The following MYH15 variants were observed in gnomAD, a reference collection of about 807,000 sequenced individuals.
MYH15 encodes the protein myosin heavy chain 15.
MYH15 carries 227 observed loss-of-function variants against 240.5 expected under a neutral mutation model. That is an observed-to-expected ratio of 0.94 (90% CI 0.85 to 1.05). The LOEUF (loss-of-function observed/expected upper bound fraction) is 1.05, where lower values mean the gene tolerates loss of function less well. MYH15 is among the 50% of genes least tolerant of loss of function. The probability of loss-of-function intolerance (pLI) is 0.00; values close to 1 mark genes in which losing one functional copy is unlikely to be tolerated. For synonymous variants in MYH15, 785 were observed against 796.7 expected (o/e 0.99, Z 0.25); for missense variants, 2,217 against 2,247.5 (o/e 0.99, Z 0.27).
In MYH15 at chr3:108,416,796, A is replaced by T. The variant is rs1484395073; in HGVS notation, c.3948+16T>A. The T allele has an allele frequency of 1.3e-6, 2 of 1,575,654 alleles. No individual in the cohort carries two copies. The highest frequency in any genetic ancestry group is 1.7e-6 in the Non-Finnish European group (2 of 1,147,752). ...CACACAGTCAAGAAACTAGTGAGAA[A>T]TAATAGATACATTACTTTGGTCTCC... is the stretch of plus-strand genomic sequence containing the variant. On this transcript the variant is annotated intron_variant, in intron 29 of 40. Coordinates refer to ENST00000693548, the MANE Select transcript of MYH15 (RefSeq NM_014981.3).
chr3:108,527,983 T>G (rs1049902684), intron 1 of MYH15, among the ~76,000 whole-genome samples: 2 of 152,172 alleles, frequency 1.3e-5, no homozygotes, highest in African/African-American at 4.8e-5. Flanking sequence ...TGCATAATTA[T>G]CCCTTGGTAG....
intron 1 of MYH15, among the ~76,000 whole-genome samples, chr3:108,508,705 A>G (rs1025659620): frequency 6.6e-5 from 10 of 152,152 alleles, no homozygotes; most frequent in Non-Finnish European, 1.2e-4. Context: ...TTTTTCTAGG[A>G]TATTGATTAA....
chr3:108,415,975 C>A (rs75910313), intron 29 of MYH15, among the ~76,000 whole-genome samples: 14 of 152,208 alleles, frequency 9.2e-5, no homozygotes, highest in Non-Finnish European at 2.1e-4. Flanking sequence ...GGTGTATGAC[C>A]TTGGACATGA....
Position 108,470,713 on chromosome 3 carries a change from A to G in MYH15, c.1368T>C (p.Gly456=), listed in dbSNP as rs1260505387. Residue 456 remains glycine, a synonymous_variant, in exon 13 of 41, where the codon GGT becomes GGC. Coordinates refer to ENST00000693548, the MANE Select transcript of MYH15 (RefSeq NM_014981.3). ...QFFIGILDIT[G]FEILEYNSLE... is the part of the protein sequence containing the mutation. ...ATACACTTACCTCAAGGATTTCAAA[A>G]CCAGTGATGTCAAGAATGCCAATGA... 1.9e-6 allele frequency: 3 copies of G among 1,613,612 alleles called. No individual in the cohort carries two copies. The Admixed American group carries it at 5.0e-5, about 27-fold the overall frequency.
chr3:108,398,945 T>C, intron 34 of MYH15, 105 bp from the exon 35 acceptor site: 2 of 1,442,272 alleles, frequency 1.4e-6, no homozygotes, highest in Non-Finnish European at 1.9e-6. Flanking sequence ...ATAAGCATGC[T>C]CCTTCTCTCT....
At chr3:108,530,549 G>C (rs1005860810), upstream of MYH15, among the ~76,000 whole-genome samples, 3 of 152,154 alleles carry the variant, frequency 2.0e-5, no homozygotes, top group African/African-American at 4.8e-5. Flanking sequence ...ACAATACCAA[G>C]AGTGAACCCT....
chr3:108,394,518 G>C (rs1224605038), intron 35 of MYH15, among the ~76,000 whole-genome samples: 1 of 152,176 alleles, frequency 6.6e-6, no homozygotes, highest in Non-Finnish European at 1.5e-5. Context: ...GCAGAAGTTG[G>C]GGTCAGTTGC....
chr3:108,439,826 G>A lies in MYH15; in HGVS notation c.2986C>T (p.Gln996Ter). ...ATGTGCAGGTCATCCAGGGTCTGCT[G>A]ATGGGCCTCCTGCACAACCTTGGCT... ...RAAKVVQEAH[Q>*]QTLDDLHMEE... The change falls in exon 24 of 41, where the codon CAG (glutamine) becomes TAG (stop). Residue 996 changes from glutamine (Q) to a stop codon, truncating the protein, a stop_gained. Transcript: ENST00000693548. LOFTEE classifies it high-confidence loss of function. 6.2e-7 allele frequency: 1 copy of A among 1,613,604 alleles called. No homozygotes were observed. The highest frequency in any genetic ancestry group is 8.5e-7 in the Non-Finnish European group (1 of 1,179,772).
the MYH15 span, among the ~76,000 whole-genome samples, chr3:108,549,506 T>C: frequency 1.3e-5 from 2 of 152,010 alleles, no homozygotes; most frequent in Non-Finnish European, 2.9e-5. Flanking sequence ...ACTACATATA[T>C]ATAATGGGGT....
intron 1 of MYH15, among the ~76,000 whole-genome samples, chr3:108,523,035 A>G (rs1460794501): frequency 6.6e-6 from 1 of 152,114 alleles, no homozygotes; most frequent in Non-Finnish European, 1.5e-5. Context: ...AAAGGACTTG[A>G]TGTGTGGATA....
intron 33 of MYH15, chr3:108,404,836 A>T (rs1000637467): frequency 1.3e-5 from 2 of 151,900 alleles, no homozygotes; most frequent in Non-Finnish European, 2.9e-5. Flanking sequence ...TAATTTTTTA[A>T]TTTTTTTCTC....
intron 39 of MYH15, 53 bp from the exon 40 acceptor site, chr3:108,383,782 G>GT (rs56252170): frequency 0.032 from 35,104 of 1,096,736 alleles, 2 homozygotes; most frequent in Non-Finnish European, 0.034. Flanking sequence ...ATAGTCAGGT[G>GT]TTTTTTTTTT....
chr3:108,405,264 C>T, intron 33 of MYH15, 74 bp downstream of exon 33: 1 of 800,442 alleles, frequency 1.2e-6, no homozygotes, highest in Non-Finnish European at 1.8e-6. Flanking sequence ...TAAAAGCAGC[C>T]AGACATAATG....
chr3:108,393,609 G>C (rs1390378057), intron 36 of MYH15, among the ~76,000 whole-genome samples: 1 of 152,126 alleles, frequency 6.6e-6, no homozygotes, highest in Non-Finnish European at 1.5e-5. Flanking sequence ...AGTAGTACAG[G>C]TTGTAAAAAA....
At chr3:108,428,455 G>A in intron 27 of MYH15, 37 bp downstream of exon 27, 2 of 1,565,794 alleles carry the variant, frequency 1.3e-6, no homozygotes, top group South Asian at 1.2e-5. Flanking sequence ...CTACTTCCAT[G>A]TTCAGAAGAC....
chr3:108,448,461 T>C (rs2082946527), intron 21 of MYH15, among the ~76,000 whole-genome samples: 1 of 152,028 alleles, frequency 6.6e-6, no homozygotes, highest in Middle Eastern at 3.4e-3. Context: ...TATAGTTACA[T>C]CAGATAAAAT....
At chr3:108,422,528 G>A (rs1000502530) in intron 27 of MYH15, among the ~76,000 whole-genome samples, 4 of 152,268 alleles carry the variant, frequency 2.6e-5, no homozygotes, top group Middle Eastern at 6.8e-3. Context: ...GCCCCATCGT[G>A]GGTGATGATG....
chr3:108,521,200 T>G (rs1418146533), intron 1 of MYH15, among the ~76,000 whole-genome samples: 2 of 152,096 alleles, frequency 1.3e-5, no homozygotes, highest in South Asian at 4.1e-4. Flanking sequence ...CTTTCAACAT[T>G]GAGAAAATTT....
At chr3:108,460,197 C>G in intron 17 of MYH15, 103 bp downstream of exon 17, 1 of 1,034,790 alleles carries the variant, frequency 9.7e-7, no homozygotes, top group Non-Finnish European at 1.4e-6. Context: ...CTTGCTAGCT[C>G]CTGATACTTT....
Sources: gnomAD v4.1 joint callset for allele counts (sites outside exome capture counted in the v4.1 genomes callset) on GRCh38, gnomAD v4.1.1 for gene constraint, MANE v1.5 for transcripts, NCBI Gene and HGNC (gene_info 2026-07-23, HGNC 2026-07-21) for gene names.